Variants in PRORP observed in about 807,000 individuals in gnomAD.
PRORP encodes the protein mitochondrial ribonuclease P catalytic subunit.
Under a neutral mutation model 59.4 loss-of-function variants are expected in PRORP, and 51 were observed. The ratio of observed to expected loss-of-function variants is 0.86; its 90% CI spans 0.69 to 1.08. The LOEUF (loss-of-function observed/expected upper bound fraction) is 1.08. Ranked by LOEUF, PRORP falls within the 50% of genes least tolerant of loss-of-function variation. The pLI, the probability that PRORP is intolerant of heterozygous loss-of-function variation, is 0.00. For synonymous variants in PRORP, 231 were observed against 245.6 expected (o/e 0.94, Z 0.55); for missense variants, 646 against 690.3 (o/e 0.94, Z 0.72).
chr14:35,273,173 A>G (rs1750669521), intron 7 of PRORP, among the ~76,000 whole-genome samples: 1 of 152,212 alleles, frequency 6.6e-6, no homozygotes, highest in African/African-American at 2.4e-5. Flanking sequence ...GATAGAGCCA[A>G]CAAAAGAACG....
chr14:35,257,822 A>T lies in PRORP; in HGVS notation c.1276-8905A>T, dbSNP rs78303310. ...GAAGTGCCATAGACTGCAGAGGAGGAGGTAAAAAGGTATAAGCACAGGGAA... is the reference window on the plus strand; with the variant it reads ...GAAGTGCCATAGACTGCAGAGGAGGTGGTAAAAAGGTATAAGCACAGGGAA... On this transcript the variant is annotated intron_variant, in intron 5 of 7. Transcript: ENST00000534898. 1.3e-3 allele frequency among the ~76,000 whole-genome samples: 193 copies of T among 152,296 alleles called. 2 individuals carry two copies. The East Asian group carries it at 0.027, about 21-fold the overall frequency.
At chr14:35,184,584 T>C (rs1484810056) in intron 5 of PRORP, among the ~76,000 whole-genome samples, 1 of 152,182 alleles carries the variant, frequency 6.6e-6, no homozygotes, top group East Asian at 1.9e-4. Flanking sequence ...TAAACATTTG[T>C]CAAGGGGGTT....
chr14:35,182,635 A>G (rs1566482252), intron 5 of PRORP, among the ~76,000 whole-genome samples: 1 of 152,138 alleles, frequency 6.6e-6, no homozygotes. Context: ...ACAGAGTGAG[A>G]CTCCTCGAAA....
At chr14:35,223,502 C>CA (rs1172276208) in intron 5 of PRORP, among the ~76,000 whole-genome samples, 1 of 145,358 alleles carries the variant, frequency 6.9e-6, no homozygotes, top group Non-Finnish European at 1.5e-5. Context: ...CTCTCTCGCC[C>CA]AGGCTGGAGT....
At chr14:35,139,078 G>A (rs916716160) in intron 4 of PRORP, among the ~76,000 whole-genome samples, 10 of 145,190 alleles carry the variant, frequency 6.9e-5, no homozygotes, top group African/African-American at 2.4e-4. Context: ...GGCATGAGCC[G>A]CCATGCCCGG....
intron 5 of PRORP, among the ~76,000 whole-genome samples, chr14:35,225,709 C>T (rs954981209): frequency 5.9e-5 from 9 of 151,890 alleles, no homozygotes; most frequent in African/African-American, 1.7e-4. Flanking sequence ...ATCTCCCTGG[C>T]AACTGTACAA....
At chr14:35,124,566 TTC>T (rs1438153906) in intron 2 of PRORP, among the ~76,000 whole-genome samples, 7 of 151,884 alleles carry the variant, frequency 4.6e-5, no homozygotes, top group Admixed American at 2.6e-4. Flanking sequence ...CGACAAAATT[TTC>T]TCTCTTTAAA....
At chr14:35,273,028 G>C (rs185656114) in intron 7 of PRORP, among the ~76,000 whole-genome samples, 1 of 152,018 alleles carries the variant, frequency 6.6e-6, no homozygotes, top group Non-Finnish European at 1.5e-5. Flanking sequence ...ACAGTTTTTT[G>C]TTGTTGTTGT....
chr14:35,123,239 C>A lies in PRORP; in HGVS notation c.-7C>A. 6.2e-7 allele frequency: 1 copy of A among 1,602,316 alleles called. No homozygotes were observed. The highest frequency in any genetic ancestry group is 8.5e-7 in the Non-Finnish European group (1 of 1,175,334). On this transcript the variant is annotated 5_prime_UTR_variant, in exon 2 of 8. The change creates a new upstream start codon in the 5' untranslated region. Coordinates refer to ENST00000534898, the MANE Select transcript of PRORP (RefSeq NM_014672.4). ...CTCTCACTATCTGGTGCTGATCTCA[C>A]TGCATAATGACTTTCTATTTGTTTG...
intron 5 of PRORP, among the ~76,000 whole-genome samples, chr14:35,200,114 A>G (rs1336255120): frequency 6.6e-6 from 1 of 152,218 alleles, no homozygotes; most frequent in Non-Finnish European, 1.5e-5. Flanking sequence ...TACCAAAAGA[A>G]CTTGAAGGTG....
intron 5 of PRORP, among the ~76,000 whole-genome samples, chr14:35,203,195 T>G (rs891772038): frequency 6.6e-6 from 1 of 152,222 alleles, no homozygotes; most frequent in African/African-American, 2.4e-5. Context: ...ACTCAAAAGT[T>G]TTGATTATTT....
intron 5 of PRORP, among the ~76,000 whole-genome samples, chr14:35,262,159 AT>A (rs1292884158): frequency 4.0e-5 from 6 of 151,824 alleles, no homozygotes; most frequent in East Asian, 3.9e-4. Context: ...TTTTGTTTGA[AT>A]TTTTTTTATA....
At chr14:35,198,017 C>T (rs1217037446) in intron 5 of PRORP, among the ~76,000 whole-genome samples, 1 of 152,146 alleles carries the variant, frequency 6.6e-6, no homozygotes, top group Non-Finnish European at 1.5e-5. Flanking sequence ...AAGTACCTCA[C>T]ATTCTCATCA....
intron 4 of PRORP, among the ~76,000 whole-genome samples, chr14:35,150,619 C>T (rs1198536147): frequency 6.6e-6 from 1 of 152,136 alleles, no homozygotes; most frequent in African/African-American, 2.4e-5. Context: ...TAACACTTGA[C>T]TGAAATTCTA....
chr14:35,172,409 T>C (rs868591618), intron 4 of PRORP, among the ~76,000 whole-genome samples: 2 of 98,744 alleles, frequency 2.0e-5, no homozygotes, highest in African/African-American at 8.9e-5. Flanking sequence ...GATTGGTTTC[T>C]TTCTTTCCTT....
At chr14:35,246,780 C>T (rs899027197) in intron 5 of PRORP, among the ~76,000 whole-genome samples, 1 of 152,104 alleles carries the variant, frequency 6.6e-6, no homozygotes, top group Admixed American at 6.6e-5. Flanking sequence ...AAAAACCACC[C>T]AAATGTGTGA....
Position 35,276,018 on chromosome 14 carries a change from G to A in PRORP, c.*2452G>A, listed in dbSNP as rs1403661648. 1 of 151,484 alleles carries A rather than the reference G, an allele frequency of 6.6e-6. No homozygotes were observed. Among genetic ancestry groups the A allele is most frequent in the Non-Finnish European group, 1.5e-5 (1 of 67,806 alleles). 9.4% of individuals were successfully genotyped at this position (151,484 alleles called of 1,614,324 possible). ...CTTTCTTCTACTGGCACATAGAGAT[G>A]GGGGAGGAGTCAGGGCATGGTGGCC... is the stretch of plus-strand genomic sequence containing the variant. On this transcript the variant is annotated 3_prime_UTR_variant, in exon 8 of 8. Coordinates refer to ENST00000534898, the MANE Select transcript of PRORP (RefSeq NM_014672.4).
intron 5 of PRORP, among the ~76,000 whole-genome samples, chr14:35,197,343 A>C (rs1467941427): frequency 1.3e-5 from 2 of 152,160 alleles, no homozygotes; most frequent in African/African-American, 4.8e-5. Context: ...GAAAAGTTTA[A>C]ATATTTGTTG....
chr14:35,124,126 A>C lies in PRORP; in HGVS notation c.881A>C (p.Asp294Ala). The change falls in exon 2 of 8, where the codon GAT (aspartate) becomes GCT (alanine). Residue 294 changes from aspartate (D) to alanine (A), a missense_variant. Asp to Ala is a moderately radical substitution (Grantham distance 126). Transcript: ENST00000534898. ...TTTGATTTTGGAAAAGACATAAAGG[A>C]TGATAACTATTCAAATAAACTACTA... ...AFFDFGKDIK[D>A]DNYSNKLLDI... 1 of 1,612,420 alleles carries C rather than the reference A, an allele frequency of 6.2e-7. No homozygotes were observed. The highest frequency in any genetic ancestry group is 8.5e-7 in the Non-Finnish European group (1 of 1,179,034).
Sources: allele counts gnomAD v4.1 joint callset (sites outside exome capture counted in the v4.1 genomes callset), GRCh38; gene constraint gnomAD v4.1.1; transcripts MANE v1.5; gene names NCBI Gene and HGNC (gene_info 2026-07-23, HGNC 2026-07-21).